Variants in HSD17B12 observed in about 807,000 individuals in gnomAD.
HSD17B12 encodes very-long-chain 3-oxoacyl-CoA reductase.
HSD17B12 carries 32 observed loss-of-function variants against 39.3 expected under a neutral mutation model. The observed-to-expected ratio is 0.81, with a 90% CI of 0.61 to 1.09. The LOEUF (loss-of-function observed/expected upper bound fraction) is 1.09. Ranked by LOEUF, HSD17B12 falls within the 50% of genes least tolerant of loss-of-function variation. The probability of loss-of-function intolerance (pLI) is 0.00; values close to 1 mark genes in which losing one functional copy is unlikely to be tolerated. For synonymous variants in HSD17B12, 150 were observed against 146.7 expected, an observed-to-expected ratio of 1.02 and a Z score of -0.16; for missense variants, 342 against 382.9, an observed-to-expected ratio of 0.89 and a Z score of 0.89.
At chr11:43,627,327 G>T in the HSD17B12 span, among the ~76,000 whole-genome samples, 2 of 151,640 alleles carry the variant, frequency 1.3e-5, no homozygotes, top group Middle Eastern at 7.2e-3. Context: ...GGATGATTAG[G>T]TAAAAAATTT....
the HSD17B12 span, among the ~76,000 whole-genome samples, chr11:43,564,239 A>G: frequency 2.6e-3 from 392 of 152,326 alleles, 3 homozygotes; most frequent in East Asian, 0.027. Flanking sequence ...CATCTTGAGT[A>G]TTAATAACCA....
At chr11:43,600,679 A>G in the HSD17B12 span, among the ~76,000 whole-genome samples, 1 of 152,126 alleles carries the variant, frequency 6.6e-6, no homozygotes, top group Admixed American at 6.5e-5. Context: ...ATTAACTGTA[A>G]GATCTTAGCA....
At chr11:43,838,268 C>G (rs1294161928) in intron 7 of HSD17B12, 49 bp from the exon 8 acceptor site, 2 of 1,209,698 alleles carry the variant, frequency 1.7e-6, no homozygotes, top group African/African-American at 1.5e-5. Context: ...TCACAAACAA[C>G]TGCATACTGT....
At chr11:43,681,162 A>G in intron 1 of HSD17B12, 175 bp downstream of exon 1, 1 of 1,407,036 alleles carries the variant, frequency 7.1e-7, no homozygotes, top group Non-Finnish European at 9.2e-7. Context: ...CTGCTTGCTT[A>G]GACTACTTGC....
the HSD17B12 span, among the ~76,000 whole-genome samples, chr11:43,664,599 C>A: frequency 2.6e-5 from 4 of 152,200 alleles, no homozygotes; most frequent in Non-Finnish European, 5.9e-5. Flanking sequence ...GGCTATTGTT[C>A]TAGGCTACTC....
intron 3 of HSD17B12, among the ~76,000 whole-genome samples, chr11:43,770,638 A>G (rs1262042997): frequency 6.6e-6 from 1 of 152,176 alleles, no homozygotes; most frequent in African/African-American, 2.4e-5. Flanking sequence ...GGGGAGGCTG[A>G]GGTGGAGGAT....
At chr11:43,801,159 T>C (rs1455630249) in intron 4 of HSD17B12, among the ~76,000 whole-genome samples, 3 of 151,880 alleles carry the variant, frequency 2.0e-5, no homozygotes, top group Non-Finnish European at 4.4e-5. Context: ...AAAAAAGAGC[T>C]ATACTGCATT....
chr11:43,619,968 G>T, the HSD17B12 span, among the ~76,000 whole-genome samples: 25 of 152,218 alleles, frequency 1.6e-4, no homozygotes, highest in Non-Finnish European at 1.9e-4. Flanking sequence ...TCCATGGGAG[G>T]TTTTGAAGTC....
At chr11:43,671,674 G>T in the HSD17B12 span, among the ~76,000 whole-genome samples, 16 of 152,334 alleles carry the variant, frequency 1.1e-4, no homozygotes, top group Middle Eastern at 3.4e-3. Flanking sequence ...AGTGGAGAAA[G>T]AAAGTTGTTG....
the HSD17B12 span, among the ~76,000 whole-genome samples, chr11:43,626,153 T>C: frequency 5.9e-5 from 9 of 151,632 alleles, no homozygotes; most frequent in African/African-American, 2.2e-4. Context: ...TATATCTGCT[T>C]GTAAGACAAT....
intron 4 of HSD17B12, among the ~76,000 whole-genome samples, chr11:43,810,527 C>T (rs1951062878): frequency 2.0e-5 from 3 of 152,026 alleles, no homozygotes; most frequent in Admixed American, 2.0e-4. Context: ...TATGTCAGTT[C>T]TTCTCTGCAA....
At chr11:43,838,035 T>G (rs1590341251) in intron 7 of HSD17B12, 1 of 402,922 alleles carries the variant, frequency 2.5e-6, no homozygotes, top group Non-Finnish European at 4.5e-6. Flanking sequence ...CCTCAGAGGG[T>G]AGAGATCAAC....
At chr11:43,780,628 A>G (rs1950756142) in intron 3 of HSD17B12, among the ~76,000 whole-genome samples, 1 of 152,186 alleles carries the variant, frequency 6.6e-6, no homozygotes, top group African/African-American at 2.4e-5. Context: ...CTAGATAAAG[A>G]TTATTAGAAC....
chr11:43,707,053 A>C (rs571672670), intron 1 of HSD17B12, among the ~76,000 whole-genome samples: 22 of 152,294 alleles, frequency 1.4e-4, no homozygotes, highest in African/African-American at 5.1e-4. Flanking sequence ...GTAAGATATA[A>C]CATCAGAGAA....
intron 1 of HSD17B12, among the ~76,000 whole-genome samples, chr11:43,685,286 C>CTTTGCTTAGCCGTGCTCAAGA (rs56119404): frequency 6.6e-6 from 1 of 152,106 alleles, no homozygotes; most frequent in Non-Finnish European, 1.5e-5. Context: ...TGAAAACATG[C>CTTTGCTTAGCCGTGCTCAAGA]ATCAAAGGAT....
chr11:43,598,781 A>C, the HSD17B12 span, among the ~76,000 whole-genome samples: 7 of 152,272 alleles, frequency 4.6e-5, no homozygotes, highest in South Asian at 1.5e-3. Context: ...ATGCGGGTGC[A>C]GACAAGACTC....
the HSD17B12 span, among the ~76,000 whole-genome samples, chr11:43,607,279 AGTGTGTGTGTGTGTGTGT>A: frequency 3.4e-5 from 5 of 145,290 alleles, no homozygotes; most frequent in African/African-American, 1.3e-4. Context: ...TGTGCTCCTG[AGTGTGTGTGTGTGTGTGT>A]GTGTGTGTGT....
the HSD17B12 span, among the ~76,000 whole-genome samples, chr11:43,571,714 A>G: frequency 6.6e-6 from 1 of 152,206 alleles, no homozygotes; most frequent in Non-Finnish European, 1.5e-5. Context: ...AACCAAAAAA[A>G]AAGGGGGAAG....
chr11:43,657,222 A>G, the HSD17B12 span, among the ~76,000 whole-genome samples: 3 of 152,164 alleles, frequency 2.0e-5, no homozygotes, highest in East Asian at 5.8e-4. Context: ...TAAGATTGCA[A>G]CCCCTGCCTT....
Sources: gnomAD v4.1 joint callset for allele counts (sites outside exome capture counted in the v4.1 genomes callset) on GRCh38, gnomAD v4.1.1 for gene constraint, MANE v1.5 for transcripts, NCBI Gene and HGNC (gene_info 2026-07-23, HGNC 2026-07-21) for gene names.